SNX27: variants seen among roughly 807,000 people sequenced by gnomAD.
SNX27 encodes sorting nexin-27.
A neutral mutation model predicts 71.6 loss-of-function variants in SNX27; 22 were observed. That is an observed-to-expected ratio of 0.31 (90% CI 0.22 to 0.44). The LOEUF is 0.44. Ranked by LOEUF, SNX27 falls within the 20% of genes least tolerant of loss-of-function variation. The pLI is 1.00. For synonymous variants in SNX27, 269 were observed against 277.2 expected, an observed-to-expected ratio of 0.97 and a Z score of 0.29; for missense variants, 531 against 698.6, an observed-to-expected ratio of 0.76 and a Z score of 2.70.
intron 1 of SNX27, among the ~76,000 whole-genome samples, chr1:151,628,259 C>T (rs779894056): frequency 1.5e-4 from 23 of 152,010 alleles, no homozygotes; most frequent in Non-Finnish European, 2.2e-4. Flanking sequence ...CGCCCATCTT[C>T]GCCTACCTAA....
At chr1:151,650,473 T>C (rs1224217718) in intron 2 of SNX27, among the ~76,000 whole-genome samples, 1 of 152,214 alleles carries the variant, frequency 6.6e-6, no homozygotes, top group African/African-American at 2.4e-5. Flanking sequence ...TTTTCAGACA[T>C]TTCTTCAGCC....
chr1:151,666,036 G>A, intron 6 of SNX27, 25 bp downstream of exon 6: 1 of 1,580,136 alleles, frequency 6.3e-7, no homozygotes, highest in Non-Finnish European at 8.7e-7. Context: ...CTGATACTAA[G>A]TTTTGTTTTC....
intron 1 of SNX27, among the ~76,000 whole-genome samples, chr1:151,637,568 G>T (rs1008660466): frequency 2.0e-5 from 3 of 152,136 alleles, no homozygotes; most frequent in Non-Finnish European, 4.4e-5. Flanking sequence ...TTTTTCTATA[G>T]CTAGCTTATT....
At chr1:151,641,621 A>C (rs1325503643) in intron 2 of SNX27, among the ~76,000 whole-genome samples, 13 of 132,650 alleles carry the variant, frequency 9.8e-5, no homozygotes, top group Middle Eastern at 3.8e-3. Flanking sequence ...ATATATATAT[A>C]TATATATATC....
At chr1:151,643,312 T>TTTATTTA (rs1271451262) in intron 2 of SNX27, among the ~76,000 whole-genome samples, 1 of 109,174 alleles carries the variant, frequency 9.2e-6, no homozygotes, top group African/African-American at 3.3e-5. Context: ...TTATTTATTT[T>TTTATTTA]GAGACGGAGT....
Position 151,612,604 on chromosome 1 carries a change from C to A in SNX27, c.311+92C>A. Reference sequence around the variant, plus strand: ...CCCTTGTCACCCCCAGGCCGCACCTCCCCCGAGCTCCGAGCCGGCCTCCGG... The same window carrying A: ...CCCTTGTCACCCCCAGGCCGCACCTACCCCGAGCTCCGAGCCGGCCTCCGG... On this transcript the variant is annotated intron_variant, in intron 1 of 11. Transcript: ENST00000458013. This position sits in a 1 kb window ranked among gnomAD's most constrained non-coding sequence, Gnocchi z 5.2. The A allele has an allele frequency of 2.0e-6, 2 of 1,018,090 alleles. No homozygotes were observed. Among genetic ancestry groups the A allele is most frequent in the Non-Finnish European group, 2.6e-6 (2 of 784,310 alleles). 63.1% of individuals were successfully genotyped at this position (1,018,090 alleles called of 1,614,324 possible).
At position 151,651,929 on chromosome 1, in the gene SNX27, C is replaced by T. The variant is rs1245098694; in HGVS notation, c.544-6306C>T. Among the ~76,000 whole-genome samples, 6 of 151,988 alleles carry T rather than the reference C, an allele frequency of 3.9e-5. No homozygotes were observed. In the East Asian group the frequency reaches 9.7e-4, roughly 25 times the overall value. On this transcript the variant is annotated intron_variant, in intron 2 of 11. Transcript: ENST00000458013. ...TGGGCACCATTGAGCACTGAGTGAA[C>T]GAGACTCCGTCTGCAATCCCGGCAC... is the stretch of plus-strand genomic sequence containing the variant.
intron 8 of SNX27, among the ~76,000 whole-genome samples, chr1:151,684,544 A>T (rs1427682160): frequency 1.3e-5 from 2 of 152,260 alleles, no homozygotes; most frequent in African/African-American, 4.8e-5. Context: ...ATTTCTACTC[A>T]TTATAACATT....
At chr1:151,641,204 C>T (rs948259947) in intron 2 of SNX27, among the ~76,000 whole-genome samples, 1 of 152,100 alleles carries the variant, frequency 6.6e-6, no homozygotes, top group African/African-American at 2.4e-5. Context: ...CATATGTTTT[C>T]ATTGCTCTTG....
chr1:151,638,933 C>T lies in SNX27; in HGVS notation c.357C>T (p.Asp119=), dbSNP rs375979033. The T allele has an allele frequency of 2.5e-6, 4 of 1,614,110 alleles. No individual in the cohort carries two copies. Among genetic ancestry groups the T allele is most frequent in the South Asian group, 2.2e-5 (2 of 91,082 alleles). The part of the protein sequence containing the change: ...VEGATHKQVV[D]LIRAGEKELI... ...GGGCGACACACAAGCAGGTGGTGGA[C>T]CTGATTCGAGCAGGCGAGAAGGAAT... Residue 119 remains aspartate, a synonymous_variant, in exon 2 of 12, where the codon GAC becomes GAT. Transcript: ENST00000458013.
At chr1:151,665,850 C>A in intron 5 of SNX27, 83 bp from the exon 6 acceptor site, 1 of 1,117,252 alleles carries the variant, frequency 9.0e-7, no homozygotes, top group Non-Finnish European at 1.3e-6. Flanking sequence ...CCCTTTCCCT[C>A]CTCCACAGAC....
intron 1 of SNX27, among the ~76,000 whole-genome samples, chr1:151,632,703 TAC>T (rs1190726351): frequency 3.9e-5 from 6 of 152,238 alleles, no homozygotes; most frequent in Admixed American, 2.0e-4. Context: ...TGCAGATATG[TAC>T]AGATTCATCT....
intron 1 of SNX27, among the ~76,000 whole-genome samples, chr1:151,637,477 G>A (rs1039049883): frequency 1.3e-5 from 2 of 152,202 alleles, no homozygotes; most frequent in South Asian, 2.1e-4. Context: ...CGCGCCCGGC[G>A]CCTGATCATG....
intron 8 of SNX27, among the ~76,000 whole-genome samples, chr1:151,686,289 A>G (rs1047529222): frequency 6.6e-6 from 1 of 152,266 alleles, no homozygotes; most frequent in Non-Finnish European, 1.5e-5. Context: ...TGCCAGGCAC[A>G]GTGCAAGGTG....
chr1:151,652,209 A>C (rs1669433232), intron 2 of SNX27, among the ~76,000 whole-genome samples: 1 of 57,400 alleles, frequency 1.7e-5, no homozygotes. Flanking sequence ...GACCGTGGGG[A>C]GAGGGAGAGG....
chr1:151,617,090 G>A (rs1667455535), intron 1 of SNX27, among the ~76,000 whole-genome samples: 1 of 151,986 alleles, frequency 6.6e-6, no homozygotes, highest in African/African-American at 2.4e-5. Flanking sequence ...CAACCTAAGT[G>A]GAAAATCAGT....
At chr1:151,669,662 ATTGT>A (rs1423697717) in intron 7 of SNX27, among the ~76,000 whole-genome samples, 4 of 152,056 alleles carry the variant, frequency 2.6e-5, no homozygotes, top group African/African-American at 4.8e-5. Flanking sequence ...GTGAGAGTAC[ATTGT>A]TTGTTTTGTT....
chr1:151,635,100 A>AT (rs1668408955), intron 1 of SNX27, among the ~76,000 whole-genome samples: 1 of 152,202 alleles, frequency 6.6e-6, no homozygotes, highest in Non-Finnish European at 1.5e-5. Flanking sequence ...CAAAGACAGA[A>AT]TTGAAAGGCA....
intron 1 of SNX27, among the ~76,000 whole-genome samples, chr1:151,636,082 C>T (rs886964495): frequency 3.9e-5 from 6 of 151,980 alleles, no homozygotes; most frequent in Non-Finnish European, 5.9e-5. Context: ...CAGAAAAAAA[C>T]GCATAATAGG....
Sources: allele counts gnomAD v4.1 joint callset (sites outside exome capture counted in the v4.1 genomes callset), GRCh38; gene constraint gnomAD v4.1.1; non-coding constraint Gnocchi (gnomAD v3.1); transcripts MANE v1.5; gene names NCBI Gene and HGNC (gene_info 2026-07-23, HGNC 2026-07-21).